SLC25A13: variants seen among roughly 807,000 people sequenced by gnomAD.
SLC25A13 encodes the protein electrogenic aspartate/glutamate antiporter SLC25A13, mitochondrial.
Under a neutral mutation model 85.5 loss-of-function variants are expected in SLC25A13, and 70 were observed. The observed-to-expected ratio is 0.82, with a 90% CI of 0.68 to 1.00. The LOEUF (loss-of-function observed/expected upper bound fraction) is 1.00. Ranked by LOEUF, SLC25A13 falls within the 50% of genes least tolerant of loss-of-function variation. The probability of loss-of-function intolerance (pLI) is 0.00; values close to 1 mark genes in which losing one functional copy is unlikely to be tolerated. For missense variants in SLC25A13, 765 were observed against 819.8 expected (o/e 0.93, Z 0.82); for synonymous variants, 259 against 288.7 (o/e 0.90, Z 1.04).
At chr7:96,201,590 C>G (rs1321043505) in intron 5 of SLC25A13, among the ~76,000 whole-genome samples, 1 of 151,838 alleles carries the variant, frequency 6.6e-6, no homozygotes, top group Non-Finnish European at 1.5e-5. Context: ...AAGGGAGAGG[C>G]AAATGGCTCA....
chr7:96,186,951 TA>T (rs1735946611), intron 9 of SLC25A13, among the ~76,000 whole-genome samples: 2 of 152,234 alleles, frequency 1.3e-5, no homozygotes, highest in South Asian at 4.1e-4. Context: ...TTACAGTAGC[TA>T]AAACTAGGTG....
intron 2 of SLC25A13, among the ~76,000 whole-genome samples, chr7:96,293,696 C>T (rs376808549): frequency 2.6e-5 from 4 of 152,152 alleles, no homozygotes; most frequent in African/African-American, 9.7e-5. Context: ...TCATCACTGG[C>T]CATCAGAGAA....
intron 11 of SLC25A13, among the ~76,000 whole-genome samples, chr7:96,180,582 G>C (rs1794383899): frequency 6.6e-6 from 1 of 152,182 alleles, no homozygotes; most frequent in South Asian, 2.1e-4. Context: ...ACCCGCCTCG[G>C]TCTCCCAAAG....
intron 3 of SLC25A13, among the ~76,000 whole-genome samples, chr7:96,267,888 G>A (rs1219510397): frequency 6.6e-6 from 1 of 152,050 alleles, no homozygotes; most frequent in African/African-American, 2.4e-5. Context: ...GCGGTATGGT[G>A]AATCTGTCAG....
chr7:96,180,287 T>C (rs1054293218), intron 11 of SLC25A13, among the ~76,000 whole-genome samples: 9 of 152,208 alleles, frequency 5.9e-5, no homozygotes, highest in African/African-American at 1.9e-4. Flanking sequence ...CTCCCATCAA[T>C]AGAAACAAAA....
At chr7:96,199,971 C>T (rs1316124076) in intron 5 of SLC25A13, among the ~76,000 whole-genome samples, 1 of 151,654 alleles carries the variant, frequency 6.6e-6, no homozygotes, top group Non-Finnish European at 1.5e-5. Context: ...GTGCTTTAGC[C>T]TGAGAACAAT....
At chr7:96,237,926 A>G (rs183325364) in intron 3 of SLC25A13, among the ~76,000 whole-genome samples, 24 of 152,302 alleles carry the variant, frequency 1.6e-4, no homozygotes, top group African/African-American at 5.8e-4. Context: ...TGTTTGAGGT[A>G]ACAGTGGGAC....
At chr7:96,259,244 G>A (rs1432935516) in intron 3 of SLC25A13, among the ~76,000 whole-genome samples, 2 of 152,278 alleles carry the variant, frequency 1.3e-5, no homozygotes, top group African/African-American at 4.8e-5. Context: ...CTTCTGCACA[G>A]CGAAAGAAAC....
At chr7:96,311,067 T>C (rs531391958) in intron 1 of SLC25A13, among the ~76,000 whole-genome samples, 1 of 152,314 alleles carries the variant, frequency 6.6e-6, no homozygotes, top group South Asian at 2.1e-4. Context: ...TACTCATATA[T>C]AGACATACAT....
intron 3 of SLC25A13, among the ~76,000 whole-genome samples, chr7:96,270,708 A>G (rs1169824771): frequency 1.3e-5 from 2 of 152,192 alleles, no homozygotes; most frequent in Non-Finnish European, 2.9e-5. Context: ...CTAAAAATAA[A>G]ATAAAATATA....
At chr7:96,214,386 C>A (rs1795808534) in intron 4 of SLC25A13, among the ~76,000 whole-genome samples, 1 of 152,252 alleles carries the variant, frequency 6.6e-6, no homozygotes, top group African/African-American at 2.4e-5. Flanking sequence ...ATACAAATAT[C>A]AACTGTATTG....
intron 5 of SLC25A13, among the ~76,000 whole-genome samples, chr7:96,208,186 A>T (rs1795531257): frequency 6.6e-6 from 1 of 152,198 alleles, no homozygotes; most frequent in Admixed American, 6.5e-5. Context: ...AGCGAGTCAC[A>T]AGCCAAAATT....
chr7:96,321,936 G>T lies in SLC25A13; in HGVS notation c.15+6C>A. 1 of 1,536,662 alleles carries T rather than the reference G, an allele frequency of 6.5e-7. No homozygotes were observed. On this transcript the variant is annotated splice_donor_region_variant and intron_variant, in intron 1 of 17. Coordinates refer to ENST00000265631, the MANE Select transcript of SLC25A13 (RefSeq NM_014251.3). ...GCGCTCCCCCCGGCCTCGGGCCCGC[G>T]GTTACCTTGGCGGCCGCCATGATTC...
intron 13 of SLC25A13, among the ~76,000 whole-genome samples, chr7:96,162,210 T>C (rs1345777641): frequency 2.0e-5 from 3 of 152,238 alleles, no homozygotes; most frequent in Non-Finnish European, 4.4e-5. Context: ...ATCTGTCTCA[T>C]CAGCTCTGAT....
chr7:96,321,790 C>T (rs570813553), intron 1 of SLC25A13, 152 bp downstream of exon 1: 7 of 1,006,516 alleles, frequency 7.0e-6, no homozygotes, highest in Middle Eastern at 2.2e-4. Flanking sequence ...GGAGTGGCCC[C>T]CTCCCTCCAG....
At chr7:96,151,724 C>T (rs895960533) in intron 13 of SLC25A13, among the ~76,000 whole-genome samples, 2 of 152,094 alleles carry the variant, frequency 1.3e-5, no homozygotes, top group Admixed American at 6.6e-5. Flanking sequence ...AGGTGGATCA[C>T]CTGAGGTCAG....
intron 3 of SLC25A13, among the ~76,000 whole-genome samples, chr7:96,273,371 G>A (rs952858399): frequency 2.6e-5 from 4 of 152,168 alleles, no homozygotes; most frequent in Non-Finnish European, 4.4e-5. Flanking sequence ...GGTTGGGAAG[G>A]GAGGTGAACA....
intron 14 of SLC25A13, among the ~76,000 whole-genome samples, chr7:96,144,492 C>G (rs1324016375): frequency 6.6e-6 from 1 of 152,178 alleles, no homozygotes; most frequent in African/African-American, 2.4e-5. Context: ...TAGAAGGGAG[C>G]ACCAAGCCCT....
chr7:96,169,453 C>CAT (rs10631575), intron 13 of SLC25A13, among the ~76,000 whole-genome samples: 64,096 of 151,756 alleles, frequency 0.42, 13,961 homozygotes, highest in East Asian at 0.61. Context: ...CAAACCAGTA[C>CAT]GAGATAAAAC....
Sources: gnomAD v4.1 joint callset for allele counts (sites outside exome capture counted in the v4.1 genomes callset) on GRCh38, gnomAD v4.1.1 for gene constraint, MANE v1.5 for transcripts, NCBI Gene and HGNC (gene_info 2026-07-23, HGNC 2026-07-21) for gene names.